The following PFKFB2 variants were observed in gnomAD, a reference collection of about 807,000 sequenced individuals.
The protein encoded by PFKFB2 is 6-phosphofructo-2-kinase/fructose-2,6-bisphosphatase 2.
A neutral mutation model predicts 68.0 loss-of-function variants in PFKFB2; 53 were observed. The observed-to-expected ratio is 0.78, with a 90% CI of 0.63 to 0.98. PFKFB2 has a LOEUF of 0.98. Among genes scored for constraint, PFKFB2 ranks in the 50% least tolerant of loss-of-function variants. The pLI is 0.00. For synonymous variants in PFKFB2, 222 were observed against 227.6 expected (o/e 0.98, Z 0.22); for missense variants, 451 against 642.0 (o/e 0.70, Z 3.22).
rs1642075691 is a variant in PFKFB2, at chr1:207,062,079, G to T, written c.211+1G>T. ...AACTGGATTGGAGTCCCCACCAAAGGTAAGTGTGGCTCATTCCCTAGGAAA... is the reference window on the plus strand; with the variant it reads ...AACTGGATTGGAGTCCCCACCAAAGTTAAGTGTGGCTCATTCCCTAGGAAA... On this transcript the variant is annotated splice_donor_variant, in intron 3 of 14. Transcript: ENST00000367080. LOFTEE classifies it high-confidence loss of function. 6.2e-7 allele frequency: 1 copy of T among 1,614,002 alleles called. No homozygotes were observed. Among genetic ancestry groups the T allele is most frequent in the Admixed American group, 1.7e-5 (1 of 60,000 alleles).
At chr1:207,051,232 A>G (rs1247760283), upstream of PFKFB2, among the ~76,000 whole-genome samples, 1 of 152,182 alleles carries the variant, frequency 6.6e-6, no homozygotes, top group Non-Finnish European at 1.5e-5. Context: ...CGTGGGTAGC[A>G]TATATGCTCA....
chr1:207,062,035 G>A lies in PFKFB2; in HGVS notation c.168G>A (p.Lys56=). The A allele has an allele frequency of 6.2e-7, 1 of 1,614,180 alleles. No homozygotes were observed. Among genetic ancestry groups the A allele is most frequent in the Non-Finnish European group, 8.5e-7 (1 of 1,180,004 alleles). Residue 56 remains lysine, a synonymous_variant, in exon 3 of 15, where the codon AAG becomes AAA. Coordinates refer to ENST00000367080, the MANE Select transcript of PFKFB2 (RefSeq NM_006212.2). The part of the protein sequence containing the change: ...LPARGKTYVS[K]KLTRYLNWIG... ...CCCGGGGTAAAACCTACGTGTCCAA[G>A]AAACTAACACGCTACCTCAACTGGA...
Position 207,063,443 on chromosome 1 carries a change from G to A in PFKFB2, c.450+22G>A. On this transcript the variant is annotated intron_variant, in intron 6 of 14. Transcript: ENST00000367080. This position sits in a 1 kb window ranked among gnomAD's most constrained non-coding sequence, Gnocchi z 4.1. ...CAAGGTAGGATCTGACTCCATGTTG[G>A]AGGAAAAGGGATGAGTAGAGGTGGG... 1 of 1,550,314 alleles carries A rather than the reference G, an allele frequency of 6.5e-7. No homozygotes were observed. Among genetic ancestry groups the A allele is most frequent in the Non-Finnish European group, 8.9e-7 (1 of 1,124,300 alleles).
chr1:207,071,558 C>T lies in PFKFB2; in HGVS notation c.1335C>T (p.His445=). ...TTAACGTGGAGGCTGTGAACACGCA[C>T]CGTGACAAGCCAACTGTAAGTATTT... is the stretch of plus-strand genomic sequence containing the variant. ...IKLNVEAVNT[H]RDKPTNNFPK... Residue 445 remains histidine (H), a synonymous_variant, in exon 14 of 15, where the codon CAC becomes CAT. Transcript: ENST00000367080. 2 of 1,613,234 alleles carry T rather than the reference C, an allele frequency of 1.2e-6. No homozygotes were observed. The highest frequency in any genetic ancestry group is 1.7e-6 in the Non-Finnish European group (2 of 1,179,228).
At chr1:207,065,260 G>T in intron 8 of PFKFB2, 100 bp downstream of exon 8, 1 of 1,547,042 alleles carries the variant, frequency 6.5e-7, no homozygotes, top group Non-Finnish European at 8.7e-7. Context: ...TGATAATCTA[G>T]ATCTACAGTG....
rs1460383925 is a variant in PFKFB2 at position 207,054,683 on chromosome 1, T to A, written c.-17-18T>A. 7 of 1,530,372 alleles carry A rather than the reference T, an allele frequency of 4.6e-6. No individual in the cohort carries two copies. The highest frequency in any genetic ancestry group is 6.3e-6 in the Non-Finnish European group (7 of 1,107,488). The allele number at this position is 1,530,372 out of a possible 1,614,324, so 94.8% of individuals were successfully genotyped here. A position where few individuals can be genotyped will look rare whatever the true frequency, so the allele number is the denominator to read the frequency against. On this transcript the variant is annotated intron_variant, in intron 1 of 14. Transcript: ENST00000367080. ...TTTCTTCCCCTTCCCTTTTTTACAT[T>A]CTACTTCTCTGTTTCAGACATCTGA...
downstream of PFKFB2, among the ~76,000 whole-genome samples, chr1:207,078,733 G>T (rs1683692964): frequency 6.6e-6 from 1 of 152,150 alleles, no homozygotes; most frequent in South Asian, 2.1e-4. Flanking sequence ...GGTCCAATAT[G>T]GTCACGAGGT....
upstream of PFKFB2, among the ~76,000 whole-genome samples, chr1:207,051,611 C>G (rs1295433404): frequency 6.6e-6 from 1 of 152,182 alleles, no homozygotes; most frequent in Non-Finnish European, 1.5e-5. Context: ...CTGCCTCATT[C>G]AGGTGGTGGC....
chr1:207,052,500 A>G (rs1271056232), upstream of PFKFB2, among the ~76,000 whole-genome samples: 1 of 152,166 alleles, frequency 6.6e-6, no homozygotes, highest in Non-Finnish European at 1.5e-5. Flanking sequence ...CGTCTCTACT[A>G]AAAATACAAA....
At chr1:207,038,226 G>A (rs1682415277) in intron 1 of PFKFB2, among the ~76,000 whole-genome samples, 1 of 152,168 alleles carries the variant, frequency 6.6e-6, no homozygotes, top group Admixed American at 6.5e-5. Context: ...TATATCGAAT[G>A]TCTATTGTAG....
At chr1:207,045,961 A>C (rs1682591610) in intron 2 of PFKFB2, 1 of 152,110 alleles carries the variant, frequency 6.6e-6, no homozygotes, top group Non-Finnish European at 1.5e-5. Flanking sequence ...GAAATCAACC[A>C]TGAACCATTA....
At chr1:207,059,394 C>A (rs1683020513) in intron 2 of PFKFB2, among the ~76,000 whole-genome samples, 1 of 152,080 alleles carries the variant, frequency 6.6e-6, no homozygotes, top group African/African-American at 2.4e-5. Flanking sequence ...AGGCATTGAG[C>A]CGAGCTGGAG....
In PFKFB2 at chr1:207,065,287, G is replaced by T. The variant is rs1051031637; in HGVS notation, c.632+127G>T. On this transcript the variant is annotated intron_variant, in intron 8 of 14. Coordinates refer to ENST00000367080, the MANE Select transcript of PFKFB2 (RefSeq NM_006212.2). ...TCTACAGTGTTAACATCATCCCAGA[G>T]AAATAAGGTATGGATTTGTGGCTTT... The T allele has an allele frequency of 1.1e-5, 16 of 1,478,196 alleles. No individual in the cohort carries two copies. The African/African-American group carries it at 1.5e-4, about 14-fold the overall frequency. The allele number at this position is 1,478,196 out of a possible 1,614,324, so 91.6% of individuals were successfully genotyped here. A position where few individuals can be genotyped will look rare whatever the true frequency, so the allele number is the denominator to read the frequency against.
At position 207,063,727 on chromosome 1, in the gene PFKFB2, C is replaced by T. The variant is rs753798560; in HGVS notation, c.451-46C>T. On this transcript the variant is annotated intron_variant, in intron 6 of 14. Transcript: ENST00000367080. This position sits in a 1 kb window ranked among gnomAD's most constrained non-coding sequence, Gnocchi z 4.1. ...ATGAGCATGTGCTCTTAATTAACAGCCTGGCATTTTTGACTTGCTTATCAC... is the reference window on the plus strand; with the variant it reads ...ATGAGCATGTGCTCTTAATTAACAGTCTGGCATTTTTGACTTGCTTATCAC... 20 of 1,509,120 alleles carry T rather than the reference C, an allele frequency of 1.3e-5. No individual in the cohort carries two copies. The highest frequency in any genetic ancestry group is 5.5e-5 in the African/African-American group (4 of 72,908). 93.5% of individuals were successfully genotyped at this position (1,509,120 alleles called of 1,614,324 possible). A position where few individuals can be genotyped will look rare whatever the true frequency, so the allele number is the denominator to read the frequency against.
chr1:207,070,588 CTGCTACGA>C lies in PFKFB2; in HGVS notation c.1222+180_1222+187del. ...TCAATGACTTGCTGAGTTCACTCTG[CTGCTACGA>C]AAGCTTCCAATGGAGAGTGGCTGCT... On this transcript the variant is annotated intron_variant, in intron 12 of 14. Coordinates refer to ENST00000367080, the MANE Select transcript of PFKFB2 (RefSeq NM_006212.2). This position sits in a 1 kb window ranked among gnomAD's most constrained non-coding sequence, Gnocchi z 4.2. The C allele has an allele frequency of 9.7e-6, 6 of 621,204 alleles. No homozygotes were observed. Among genetic ancestry groups the C allele is most frequent in the East Asian group, 3.2e-5 (1 of 30,980 alleles). 38.5% of individuals were successfully genotyped at this position (621,204 alleles called of 1,614,324 possible).
intron 1 of PFKFB2, among the ~76,000 whole-genome samples, chr1:207,037,939 T>C (rs931632891): frequency 3.9e-5 from 6 of 152,246 alleles, no homozygotes; most frequent in Non-Finnish European, 7.3e-5. Context: ...GTGCTGAGTA[T>C]ACTGTGAGCA....
At chr1:207,071,922 GT>G (rs375254918) in intron 14 of PFKFB2, among the ~76,000 whole-genome samples, 32 of 152,234 alleles carry the variant, frequency 2.1e-4, no homozygotes, top group African/African-American at 7.0e-4. Context: ...AGAGGTGTAG[GT>G]TTGTTCCTAG....
Position 207,070,373 on chromosome 1 carries a change from C to A in PFKFB2, c.1186C>A (p.Arg396Ser). ...CGTCATCTCCCACCAGGCTGTCATG[C>A]GCTGCCTCCTGGCCTACTTCTTGGA... The part of the protein sequence containing the change: ...VLVISHQAVM[R>S]CLLAYFLDKG... Residue 396 changes from arginine to serine, a missense_variant, in exon 12 of 15, where the codon CGC becomes AGC. Physicochemically the swap from Arg to Ser is moderately radical, Grantham distance 110 (BLOSUM62 -1). Coordinates refer to ENST00000367080, the MANE Select transcript of PFKFB2 (RefSeq NM_006212.2). This position sits in a 1 kb window ranked among gnomAD's most constrained non-coding sequence, Gnocchi z 4.2. The A allele has an allele frequency of 6.2e-7, 1 of 1,613,934 alleles. No homozygotes were observed. The highest frequency in any genetic ancestry group is 2.2e-5 in the East Asian group (1 of 44,878).
At chr1:207,055,433 A>T (rs1039806860) in intron 2 of PFKFB2, among the ~76,000 whole-genome samples, 1 of 152,162 alleles carries the variant, frequency 6.6e-6, no homozygotes, top group Admixed American at 6.5e-5. Context: ...TAGAAACAGC[A>T]GGAGGGTTTG....
Sources: allele counts gnomAD v4.1 joint callset (sites outside exome capture counted in the v4.1 genomes callset), GRCh38; gene constraint gnomAD v4.1.1; non-coding constraint Gnocchi (gnomAD v3.1); transcripts MANE v1.5; gene names NCBI Gene and HGNC (gene_info 2026-07-23, HGNC 2026-07-21).